The following RTN4 variants were observed in gnomAD, a reference collection of about 807,000 sequenced individuals.
The protein encoded by RTN4 is reticulon-4.
RTN4 carries 32 observed loss-of-function variants against 90.4 expected under a neutral mutation model. The ratio of observed to expected loss-of-function variants is 0.35; its 90% CI spans 0.27 to 0.48. RTN4 has a LOEUF of 0.48. Ranked by LOEUF, RTN4 falls within the 20% of genes least tolerant of loss-of-function variation. The pLI is 0.99. For missense variants in RTN4, 1,706 were observed against 1,430.2 expected, an observed-to-expected ratio of 1.19 and a Z score of -3.11; for synonymous variants, 629 against 552.5, an observed-to-expected ratio of 1.14 and a Z score of -1.94.
At chr2:55,048,411 C>G (rs1667891637) in intron 1 of RTN4, among the ~76,000 whole-genome samples, 1 of 152,140 alleles carries the variant, frequency 6.6e-6, no homozygotes, top group African/African-American at 2.4e-5. Context: ...CTTTTTGGCT[C>G]TTTTGTAATA....
At chr2:55,111,439 T>C (rs75932657) in intron 1 of RTN4, among the ~76,000 whole-genome samples, 9,576 of 152,298 alleles carry the variant, frequency 0.063, 490 homozygotes, top group Non-Finnish European at 0.091. Context: ...ATAAAGTCAC[T>C]GCCTTTTGTG....
At chr2:55,072,146 G>T (rs1231617401) in intron 2 of RTN4, among the ~76,000 whole-genome samples, 4 of 63,402 alleles carry the variant, frequency 6.3e-5, no homozygotes, top group Non-Finnish European at 1.0e-4. Flanking sequence ...ATTGTTTTTA[G>T]TTATTTTTTT....
chr2:55,075,093 G>A (rs1410312204), intron 2 of RTN4, among the ~76,000 whole-genome samples: 1 of 152,156 alleles, frequency 6.6e-6, no homozygotes, highest in African/African-American at 2.4e-5. Flanking sequence ...TCAGAAAAGA[G>A]AAAGAAATAA....
chr2:54,975,486 G>C (rs1677548651), intron 5 of RTN4, among the ~76,000 whole-genome samples: 1 of 152,178 alleles, frequency 6.6e-6, no homozygotes, highest in African/African-American at 2.4e-5. Context: ...CTAAAGCGGG[G>C]ATCAGCAAAC....
chr2:55,065,756 A>T (rs568752409), intron 2 of RTN4, among the ~76,000 whole-genome samples: 787 of 4,146 alleles, frequency 0.19, 6 homozygotes, highest in African/African-American at 0.45. Flanking sequence ...CTAGATAATA[A>T]AAAAAAAACA....
chr2:55,100,197 G>C (rs1667827624), intron 1 of RTN4, among the ~76,000 whole-genome samples: 1 of 152,120 alleles, frequency 6.6e-6, no homozygotes, highest in Non-Finnish European at 1.5e-5. Context: ...CTGGAAAGGG[G>C]TAAATTAGCA....
the RTN4 span, among the ~76,000 whole-genome samples, chr2:55,127,432 C>G: frequency 6.6e-6 from 1 of 152,336 alleles, no homozygotes; most frequent in East Asian, 1.9e-4. Context: ...AATTTGACAA[C>G]TTGATCATTT....
At chr2:55,031,807 C>T (rs1682336669) in intron 1 of RTN4, among the ~76,000 whole-genome samples, 1 of 152,148 alleles carries the variant, frequency 6.6e-6, no homozygotes, top group African/African-American at 2.4e-5. Flanking sequence ...TAGACAAAGG[C>T]TGTATGGCCC....
upstream of RTN4, among the ~76,000 whole-genome samples, chr2:55,113,972 G>C (rs1668080846): frequency 2.6e-5 from 4 of 152,206 alleles, no homozygotes; most frequent in African/African-American, 9.6e-5. Context: ...CATCTATGCT[G>C]AGCCTATTGC....
intron 2 of RTN4, among the ~76,000 whole-genome samples, chr2:55,071,541 A>AT (rs1200691299): frequency 1.2e-5 from 1 of 81,450 alleles, no homozygotes; most frequent in Non-Finnish European, 2.3e-5. Flanking sequence ...ACCATTTGCC[A>AT]TCAAAAAAAA....
intron 1 of RTN4, among the ~76,000 whole-genome samples, chr2:55,083,826 G>A (rs544064847): frequency 4.1e-4 from 62 of 152,308 alleles, no homozygotes; most frequent in African/African-American, 1.4e-3. Context: ...TCTGACCCCA[G>A]TTCCTGGCAC....
At chr2:55,030,857 T>A (rs1440940405) in intron 1 of RTN4, among the ~76,000 whole-genome samples, 1 of 152,204 alleles carries the variant, frequency 6.6e-6, no homozygotes. Context: ...TGAAACAAGG[T>A]AAATCGTCAC....
At chr2:55,055,313 A>G (rs1287258615), upstream of RTN4, among the ~76,000 whole-genome samples, 1 of 151,964 alleles carries the variant, frequency 6.6e-6, no homozygotes, top group Admixed American at 6.6e-5. Flanking sequence ...GAAAGAAGGC[A>G]GAAAAGAGTC....
At position 55,045,087 on chromosome 2, in the gene RTN4, C is replaced by T. The variant is rs1023218989; in HGVS notation, c.556+4658G>A. The stretch of plus-strand genomic sequence containing the variant: ...AAAATCTTAAAATTTCTAATACATG[C>T]TACTACGCCAATAAAAATGATCATA... On this transcript the variant is annotated intron_variant, in intron 1 of 8. Transcript: ENST00000337526. Among the ~76,000 whole-genome samples, 9 of 152,196 alleles carry T rather than the reference C, an allele frequency of 5.9e-5. No individual in the cohort carries two copies. In the East Asian group the frequency reaches 1.3e-3, roughly 23 times the overall value.
chr2:55,065,822 G>T (rs1379975607), intron 2 of RTN4, among the ~76,000 whole-genome samples: 1 of 152,140 alleles, frequency 6.6e-6, no homozygotes, highest in Non-Finnish European at 1.5e-5. Context: ...GGTTAGGGAA[G>T]TATTATTGAC....
chr2:54,993,523 T>C (rs1296719858), intron 3 of RTN4, among the ~76,000 whole-genome samples: 5 of 152,220 alleles, frequency 3.3e-5, no homozygotes, highest in Non-Finnish European at 7.3e-5. Flanking sequence ...TACTCAATGA[T>C]AGTAAGCCCT....
At position 55,065,633 on chromosome 2, in the gene RTN4, A is replaced by T. The variant is rs528695817; in HGVS notation, c.-63+14856T>A. ...ACACGCTAATATAACTCAACCCTAG[A>T]GAACCCACGTTGAACAAAAGAAACA... On this transcript the variant is annotated intron_variant, in intron 2 of 3. Transcript: ENST00000427710. Among the ~76,000 whole-genome samples, 4 of 152,350 alleles carry T rather than the reference A, an allele frequency of 2.6e-5. No individual in the cohort carries two copies. The East Asian group carries it at 7.7e-4, about 29-fold the overall frequency.
At chr2:55,049,678 C>T in intron 1 of RTN4, 67 bp downstream of exon 1, 2 of 1,497,416 alleles carry the variant, frequency 1.3e-6, no homozygotes, top group Non-Finnish European at 1.8e-6. Context: ...CCCAAAGCAT[C>T]TGGGGCTGCA....
At chr2:55,073,777 A>C (rs962610461) in intron 2 of RTN4, among the ~76,000 whole-genome samples, 11 of 152,248 alleles carry the variant, frequency 7.2e-5, no homozygotes, top group Non-Finnish European at 1.0e-4. Flanking sequence ...GTTGAAACTG[A>C]AAAGAACTTT....
Sources: allele counts gnomAD v4.1 joint callset (sites outside exome capture counted in the v4.1 genomes callset), GRCh38; gene constraint gnomAD v4.1.1; transcripts MANE v1.5; gene names NCBI Gene and HGNC (gene_info 2026-07-23, HGNC 2026-07-21).